Variants in HLA-DMB observed in about 807,000 individuals in gnomAD.
The protein encoded by HLA-DMB is HLA class II histocompatibility antigen, DM beta chain.
In HLA-DMB, 18 loss-of-function variants were observed where a neutral mutation model predicts 29.3. That is an observed-to-expected ratio of 0.62 (90% CI 0.43 to 0.91). The LOEUF is 0.91. HLA-DMB is among the 40% of genes least tolerant of loss of function. The pLI, the probability that HLA-DMB is intolerant of heterozygous loss-of-function variation, is 0.00. For missense variants in HLA-DMB, 258 were observed against 320.9 expected, an observed-to-expected ratio of 0.80 and a Z score of 1.50; for synonymous variants, 143 against 128.7, an observed-to-expected ratio of 1.11 and a Z score of -0.75.
chr6:32,935,715 T>C (rs764985732), intron 3 of HLA-DMB, 63 bp from the exon 4 acceptor site: 64 of 1,174,264 alleles, frequency 5.5e-5, no homozygotes, highest in Non-Finnish European at 7.1e-5. Context: ...CAATTCCATT[T>C]ATTGCAGCCA....
rs112252170 is a variant in HLA-DMB at position 32,935,309 on chromosome 6, G to A, written c.775+33C>T. On this transcript the variant is annotated intron_variant, in intron 5 of 5. Transcript: ENST00000418107. ...CTCTAACCCGCACCCCTACCAAAGG[G>A]CAAGTAGGGAAACAGACCAACAGAG... 2,017 of 1,581,674 alleles carry A rather than the reference G, an allele frequency of 1.3e-3. 50 individuals are homozygous for A. In the East Asian group the frequency reaches 0.03, roughly 24 times the overall value.
Position 32,940,927 on chromosome 6 carries a change from A to G in HLA-DMB, c.-120T>C, listed in dbSNP as rs1291546278. On this transcript the variant is annotated 5_prime_UTR_variant, in exon 1 of 6. Transcript: ENST00000418107. ...TAGATGATCTCCAGACACTGAGCAG[A>G]ATACTATATTGCCCGGGTCCCTTGA... is the stretch of plus-strand genomic sequence containing the variant. 1 of 696,518 alleles carries G rather than the reference A, an allele frequency of 1.4e-6. No homozygotes were observed. Among genetic ancestry groups the G allele is most frequent in the Non-Finnish European group, 2.5e-6 (1 of 404,690 alleles). The allele number at this position is 696,518 out of a possible 1,614,324, so 43.1% of individuals were successfully genotyped here.
rs149247876 is a variant in HLA-DMB at position 32,940,778 on chromosome 6, C to A, written c.30G>T (p.Gly10=). Residue 10 remains glycine, a synonymous_variant, in exon 1 of 6, where the codon GGG becomes GGT. Coordinates refer to ENST00000418107, the MANE Select transcript of HLA-DMB (RefSeq NM_002118.5). MITFLPLLL[G]LSLGCTGAGG... is the part of the protein sequence containing the mutation. ...CTGCTCCTGTGCAGCCCAGGCTGAG[C>A]CCCAGCAGCAGCGGCAGGAATGTGA... is the stretch of plus-strand genomic sequence containing the variant. The A allele has an allele frequency of 7.9e-5, 127 of 1,605,772 alleles. No individual in the cohort carries two copies. The African/African-American group carries it at 1.1e-3, about 14-fold the overall frequency.
intron 3 of HLA-DMB, 85 bp from the exon 4 acceptor site, chr6:32,935,737 G>C (rs1775963583): frequency 1.1e-6 from 1 of 893,310 alleles, no homozygotes. Context: ...CTCTCAGTGG[G>C]TTAAAAGGTC....
chr6:32,938,621 C>T (rs1489094721), intron 2 of HLA-DMB, 63 bp downstream of exon 2: 4 of 1,389,902 alleles, frequency 2.9e-6, no homozygotes, highest in South Asian at 1.7e-5. Context: ...ACTGTGGGAT[C>T]CTCCCTGGCC....
intron 3 of HLA-DMB, 52 bp from the exon 4 acceptor site, chr6:32,935,704 G>A: frequency 7.5e-7 from 1 of 1,338,938 alleles, no homozygotes. Context: ...CACCCCCAGG[G>A]CAATTCCATT....
At chr6:32,935,282 C>T in intron 5 of HLA-DMB, 60 bp downstream of exon 5, 1 of 1,338,318 alleles carries the variant, frequency 7.5e-7, no homozygotes. Context: ...CAACACTGAC[C>T]CCTCTAACCC....
chr6:32,935,063 A>G (rs773845695), intron 5 of HLA-DMB, 76 bp from the exon 6 acceptor site: 23 of 1,529,718 alleles, frequency 1.5e-5, no homozygotes, highest in Non-Finnish European at 2.1e-5. Flanking sequence ...TAACCATCCC[A>G]TGCCTTAATA....
chr6:32,940,155 A>G (rs1301476978), intron 1 of HLA-DMB, among the ~76,000 whole-genome samples: 1 of 152,164 alleles, frequency 6.6e-6, no homozygotes, highest in Non-Finnish European at 1.5e-5. Flanking sequence ...AGCCTTGGTG[A>G]CATCCAGCTA....
At position 32,934,827 on chromosome 6, in the gene HLA-DMB, G is replaced by A. The variant is rs746125292; in HGVS notation, c.*144C>T. Reference sequence around the variant, plus strand: ...CCAAGTTGCTAAGTTTTACATAGGGGAGACTGGGAAATTCAAAGAATTGGA... The same window carrying A: ...CCAAGTTGCTAAGTTTTACATAGGGAAGACTGGGAAATTCAAAGAATTGGA... On this transcript the variant is annotated 3_prime_UTR_variant, in exon 6 of 6. Coordinates refer to ENST00000418107, the MANE Select transcript of HLA-DMB (RefSeq NM_002118.5). The A allele has an allele frequency of 1.2e-6, 1 of 855,110 alleles. No individual in the cohort carries two copies. Among genetic ancestry groups the A allele is most frequent in the East Asian group, 2.6e-5 (1 of 38,650 alleles). The allele number at this position is 855,110 out of a possible 1,614,324, so 53.0% of individuals were successfully genotyped here.
In HLA-DMB at chr6:32,940,841, C is replaced by G; in HGVS notation, c.-34G>C. 1 of 1,558,576 alleles carries G rather than the reference C, an allele frequency of 6.4e-7. No individual in the cohort carries two copies. ...CTGTAAAGATGCCGGGAGTTCAGTC[C>G]CCTGGACCAGCTCTTCCAGGGTCCG... On this transcript the variant is annotated 5_prime_UTR_variant, in exon 1 of 6. Coordinates refer to ENST00000418107, the MANE Select transcript of HLA-DMB (RefSeq NM_002118.5).
chr6:32,935,854 G>A, intron 3 of HLA-DMB: 2 of 594,506 alleles, frequency 3.4e-6, no homozygotes, highest in Non-Finnish European at 6.0e-6. Context: ...GAGTAAGCCT[G>A]GGGAACCCAT....
chr6:32,939,773 T>C (rs1776239623), intron 1 of HLA-DMB, among the ~76,000 whole-genome samples: 1 of 152,184 alleles, frequency 6.6e-6, no homozygotes, highest in Non-Finnish European at 1.5e-5. Flanking sequence ...AAATCTACAA[T>C]AATAAGTAAA....
Position 32,937,127 on chromosome 6 carries a change from T to C in HLA-DMB, c.622+45A>G, listed in dbSNP as rs760636362. 6.0e-6 allele frequency: 9 copies of C among 1,500,402 alleles called. No homozygotes were observed. The South Asian group carries it at 9.2e-5, about 15-fold the overall frequency. 92.9% of individuals were successfully genotyped at this position (1,500,402 alleles called of 1,614,324 possible). ...TACCATGTATCGATCCACATCTCAT[T>C]TTCTCTGCTTTGACCCTAATTCCAT... On this transcript the variant is annotated intron_variant, in intron 3 of 5. Coordinates refer to ENST00000418107, the MANE Select transcript of HLA-DMB (RefSeq NM_002118.5). This position sits in a 1 kb window ranked among gnomAD's most constrained non-coding sequence, Gnocchi z 4.1.
In HLA-DMB at chr6:32,937,822, T is replaced by G. The variant is rs1351409310; in HGVS notation, c.338-366A>C. 1 of 221,472 alleles carries G rather than the reference T, an allele frequency of 4.5e-6. No homozygotes were observed. Among genetic ancestry groups the G allele is most frequent in the African/African-American group, 2.3e-5 (1 of 44,010 alleles). 13.7% of individuals were successfully genotyped at this position (221,472 alleles called of 1,614,324 possible). A position where few individuals can be genotyped will look rare whatever the true frequency, so the allele number is the denominator to read the frequency against. On this transcript the variant is annotated intron_variant, in intron 2 of 5. Coordinates refer to ENST00000418107, the MANE Select transcript of HLA-DMB (RefSeq NM_002118.5). This position sits in a 1 kb window ranked among gnomAD's most constrained non-coding sequence, Gnocchi z 4.1. Reference sequence around the variant, plus strand: ...GAGTAATCCAGAGTTGTACATTGGGTTTTTTTAAGGTGGAAAAGGAATTTT... The same window carrying G: ...GAGTAATCCAGAGTTGTACATTGGGGTTTTTTAAGGTGGAAAAGGAATTTT...
Position 32,937,445 on chromosome 6 carries a change from C to T in HLA-DMB, c.349G>A (p.Val117Met), listed in dbSNP as rs1271535043. Residue 117 changes from valine (V) to methionine (M), a missense_variant, in exon 3 of 6, where the codon GTG (valine) becomes ATG (methionine). By Grantham distance (21) the Val-to-Met change is conservative. Transcript: ENST00000418107. This position sits in a 1 kb window ranked among gnomAD's most constrained non-coding sequence, Gnocchi z 4.1. ...AAAGGAGTGGTTTTGGCTACTTGCACAGATGGTGGCCCTGCATAGGAGAAA... is the reference window on the plus strand; with the variant it reads ...AAAGGAGTGGTTTTGGCTACTTGCATAGATGGTGGCCCTGCATAGGAGAAA... ...SLTNRTRPPS[V>M]QVAKTTPFNT... The T allele has an allele frequency of 1.2e-6, 2 of 1,613,584 alleles. No homozygotes were observed. Among genetic ancestry groups the T allele is most frequent in the Non-Finnish European group, 1.7e-6 (2 of 1,179,664 alleles).
Position 32,937,193 on chromosome 6 carries a change from C to T in HLA-DMB, c.601G>A (p.Glu201Lys). 6.2e-7 allele frequency: 1 copy of T among 1,601,250 alleles called. No homozygotes were observed. The highest frequency in any genetic ancestry group is 1.1e-5 in the South Asian group (1 of 90,216). ...TCVVEHTGAP[E>K]PILRDWTPGL... is the part of the protein sequence containing the mutation. ...TTACTCCAGTCCCGAAGGATGGGCTCAGGAGCCCCAGTGTGCTCTACCACA... is the reference window on the plus strand; with the variant it reads ...TTACTCCAGTCCCGAAGGATGGGCTTAGGAGCCCCAGTGTGCTCTACCACA... The change falls in exon 3 of 6, where the codon GAG becomes AAG. Residue 201 changes from glutamate to lysine, a missense_variant. Coordinates refer to ENST00000418107, the MANE Select transcript of HLA-DMB (RefSeq NM_002118.5). The surrounding 1 kb of genome is among the most constrained non-coding windows in gnomAD (Gnocchi z 4.1).
At chr6:32,940,665 G>A (rs528958494) in intron 1 of HLA-DMB, 88 bp downstream of exon 1, 2 of 911,086 alleles carry the variant, frequency 2.2e-6, no homozygotes, top group South Asian at 1.5e-5. Flanking sequence ...CAAACTATCT[G>A]GGGTGTCAAA....
Position 32,940,739 on chromosome 6 carries a change from A to G in HLA-DMB, c.55+14T>C. 1 of 1,601,200 alleles carries G rather than the reference A, an allele frequency of 6.2e-7. No individual in the cohort carries two copies. The highest frequency in any genetic ancestry group is 8.5e-7 in the Non-Finnish European group (1 of 1,173,734). On this transcript the variant is annotated intron_variant, in intron 1 of 5. Transcript: ENST00000418107. ...AGCAGGGGAAGGGAGAGTCCCCAGA[A>G]GAAGTGTCCTTACCTGCTCCTGTGC...
Sources: gnomAD v4.1 joint callset for allele counts (sites outside exome capture counted in the v4.1 genomes callset) on GRCh38, gnomAD v4.1.1 for gene constraint, Gnocchi (gnomAD v3.1) non-coding constraint, MANE v1.5 for transcripts, NCBI Gene and HGNC (gene_info 2026-07-23, HGNC 2026-07-21) for gene names.